The following NAALADL2 variants were observed in gnomAD, a reference collection of about 807,000 sequenced individuals.
NAALADL2 encodes inactive N-acetylated-alpha-linked acidic dipeptidase-like protein 2.
Under a neutral mutation model 87.2 loss-of-function variants are expected in NAALADL2, and 76 were observed. The ratio of observed to expected loss-of-function variants is 0.87; its 90% confidence interval spans 0.72 to 1.05. NAALADL2 has a LOEUF of 1.05. Among genes scored for constraint, NAALADL2 ranks in the 50% least tolerant of loss-of-function variants. NAALADL2 has a pLI of 0.00. For missense variants in NAALADL2, 1,089 were observed against 945.8 expected (o/e 1.15, Z -1.99); for synonymous variants, 354 against 331.0 (o/e 1.07, Z -0.75).
intron 5 of NAALADL2, among the ~76,000 whole-genome samples, chr3:175,433,561 A>C (rs1271960628): frequency 6.6e-6 from 1 of 152,036 alleles, no homozygotes; most frequent in African/African-American, 2.4e-5. Flanking sequence ...CCATGTCTCT[A>C]ACTGTGCCAC....
intron 2 of NAALADL2, among the ~76,000 whole-genome samples, chr3:175,116,774 A>G (rs1373924449): frequency 1.3e-5 from 2 of 152,170 alleles, no homozygotes; most frequent in South Asian, 2.1e-4. Context: ...TAAAGTCCAT[A>G]TGGAACCAAA....
At chr3:174,721,991 G>T (rs1311505135) in intron 2 of NAALADL2, among the ~76,000 whole-genome samples, 1 of 152,118 alleles carries the variant, frequency 6.6e-6, no homozygotes, top group Non-Finnish European at 1.5e-5. Flanking sequence ...CTGAAAAATG[G>T]CATGATTGAA....
At chr3:175,186,426 A>T (rs1737344078) in intron 2 of NAALADL2, among the ~76,000 whole-genome samples, 1 of 152,090 alleles carries the variant, frequency 6.6e-6, no homozygotes, top group Non-Finnish European at 1.5e-5. Flanking sequence ...AAAAACAATG[A>T]TAGTTTGGCT....
rs146594775 is a variant in NAALADL2, at chr3:175,738,787, T to A, written c.1990+1388T>A. Among the ~76,000 whole-genome samples, 359 of 152,324 alleles carry A rather than the reference T, an allele frequency of 2.4e-3. 2 individuals are homozygous for A. The highest frequency in any genetic ancestry group is 8.4e-3 in the African/African-American group (349 of 41,576). ...CTTTCCTACCTACATTAGGCTTTCA[T>A]CTTACTGTTGTCAGTGTGTCTACTG... On this transcript the variant is annotated intron_variant, in intron 12 of 13. Transcript: ENST00000454872.
intron 3 of NAALADL2, among the ~76,000 whole-genome samples, chr3:174,844,835 GTTTTTTTTTTTTTT>G (rs781333758): frequency 8.5e-5 from 3 of 35,458 alleles, no homozygotes; most frequent in African/African-American, 3.8e-4. Flanking sequence ...AGTTCTAATG[GTTTTTTTTTTTTTT>G]TTTTTTTTTT....
chr3:175,452,276 C>T (rs1255011156), intron 6 of NAALADL2, among the ~76,000 whole-genome samples: 4 of 152,174 alleles, frequency 2.6e-5, no homozygotes, highest in East Asian at 3.9e-4. Context: ...CCTCTATCCA[C>T]CTACCTATCA....
chr3:174,774,124 C>T (rs1714918088), intron 3 of NAALADL2, among the ~76,000 whole-genome samples: 1 of 152,130 alleles, frequency 6.6e-6, no homozygotes. Context: ...CTCTAACCCA[C>T]AGCTCCTAGT....
At chr3:174,620,180 T>C (rs372433980) in intron 2 of NAALADL2, among the ~76,000 whole-genome samples, 8 of 152,036 alleles carry the variant, frequency 5.3e-5, no homozygotes, top group African/African-American at 1.9e-4. Flanking sequence ...TAACACCTAC[T>C]ATGTGCCTGA....
intron 13 of NAALADL2, among the ~76,000 whole-genome samples, chr3:175,792,403 T>C (rs956563191): frequency 6.6e-6 from 1 of 152,192 alleles, no homozygotes; most frequent in African/African-American, 2.4e-5. Flanking sequence ...AGTAGGTCAA[T>C]TGCTGCACTT....
At chr3:175,749,498 C>G (rs532297148) in intron 12 of NAALADL2, among the ~76,000 whole-genome samples, 115 of 151,828 alleles carry the variant, frequency 7.6e-4, no homozygotes, top group Non-Finnish European at 1.4e-3. Flanking sequence ...TGTAAGAAGG[C>G]TATATCCTTT....
At chr3:175,771,126 G>A (rs537007697) in intron 13 of NAALADL2, among the ~76,000 whole-genome samples, 73 of 152,176 alleles carry the variant, frequency 4.8e-4, no homozygotes, top group African/African-American at 1.7e-3. Context: ...TTTTATTTCA[G>A]AAAATGTTTG....
chr3:175,006,450 A>G (rs1749034766), intron 1 of NAALADL2, among the ~76,000 whole-genome samples: 1 of 152,174 alleles, frequency 6.6e-6, no homozygotes, highest in Admixed American at 6.6e-5. Flanking sequence ...TTTGATTGGA[A>G]CATTATCTAA....
intron 12 of NAALADL2, among the ~76,000 whole-genome samples, chr3:175,748,268 C>T: frequency 6.6e-6 from 1 of 152,088 alleles, no homozygotes; most frequent in East Asian, 1.9e-4. Context: ...TGAGATGATT[C>T]ATTGTGATTC....
intron 4 of NAALADL2, among the ~76,000 whole-genome samples, chr3:175,296,774 G>C (rs1304340349): frequency 6.6e-6 from 1 of 152,132 alleles, no homozygotes; most frequent in Non-Finnish European, 1.5e-5. Flanking sequence ...TTAAGAAATT[G>C]AGTGAGGATA....
chr3:175,386,225 C>CTT lies in NAALADL2; in HGVS notation c.1091-60994_1091-60993dup, dbSNP rs34006374. On this transcript the variant is annotated intron_variant, in intron 5 of 13. Transcript: ENST00000454872. Reference sequence around the variant, plus strand: ...ACATTGAATTTGGTTGATAGATCATCTTTTTTTTTTTATTCTGTAGGCCCC... The same window carrying CTT: ...ACATTGAATTTGGTTGATAGATCATCTTTTTTTTTTTTTATTCTGTAGGCCCC... 9.3e-3 allele frequency among the ~76,000 whole-genome samples: 1,376 copies of CTT among 148,284 alleles called. 23 individuals are homozygous for CTT. Among genetic ancestry groups the CTT allele is most frequent in the African/African-American group, 0.032 (1,280 of 40,540 alleles).
chr3:175,608,787 C>T (rs1259378902), intron 10 of NAALADL2, among the ~76,000 whole-genome samples: 1 of 152,148 alleles, frequency 6.6e-6, no homozygotes, highest in East Asian at 1.9e-4. Context: ...ATATGCAAAG[C>T]ATAAATTGCT....
intron 1 of NAALADL2, among the ~76,000 whole-genome samples, chr3:174,969,870 T>C (rs942796003): frequency 3.3e-5 from 5 of 152,314 alleles, no homozygotes; most frequent in Middle Eastern, 6.8e-3. Flanking sequence ...ACATAAAGCA[T>C]TGATATCATA....
At chr3:175,156,821 A>G (rs991668019) in intron 2 of NAALADL2, among the ~76,000 whole-genome samples, 5 of 152,062 alleles carry the variant, frequency 3.3e-5, no homozygotes, top group Non-Finnish European at 1.5e-5. Context: ...CTCTAGACCT[A>G]TTGTGTTCAA....
At chr3:175,761,388 G>T (rs6763015) in intron 13 of NAALADL2, among the ~76,000 whole-genome samples, 23,761 of 152,038 alleles carry the variant, frequency 0.16, 2,109 homozygotes, top group African/African-American at 0.24. Context: ...TTTTATCATT[G>T]ACTAGTATTC....
Sources: gnomAD v4.1 joint callset for allele counts (sites outside exome capture counted in the v4.1 genomes callset) on GRCh38, gnomAD v4.1.1 for gene constraint, MANE v1.5 for transcripts, NCBI Gene and HGNC (gene_info 2026-07-23, HGNC 2026-07-21) for gene names.